Variants in RNLS observed in about 807,000 individuals in gnomAD.
The protein encoded by RNLS is renalase, FAD dependent amine oxidase, also known as renalase.
RNLS carries 39 observed loss-of-function variants against 39.8 expected under a neutral mutation model. That is an observed-to-expected ratio of 0.98 (90% CI 0.76 to 1.28). RNLS has a LOEUF of 1.28. Among genes scored for constraint, RNLS ranks in the 50% most tolerant of loss-of-function variants. RNLS has a pLI of 0.00. For synonymous variants in RNLS, 147 were observed against 150.7 expected (o/e 0.98, Z 0.18); for missense variants, 410 against 413.3 (o/e 0.99, Z 0.07).
At chr10:88,334,077 G>A (rs1243709025) in intron 5 of RNLS, among the ~76,000 whole-genome samples, 1 of 152,150 alleles carries the variant, frequency 6.6e-6, no homozygotes, top group African/African-American at 2.4e-5. Flanking sequence ...GAACTTCTGT[G>A]AGACTATCTC....
At chr10:88,415,978 C>T (rs1443863206) in intron 4 of RNLS, among the ~76,000 whole-genome samples, 1 of 152,138 alleles carries the variant, frequency 6.6e-6, no homozygotes, top group African/African-American at 2.4e-5. Context: ...TGCCCTCCTT[C>T]CACTTTCAGT....
chr10:88,264,472 A>G, the RNLS span, among the ~76,000 whole-genome samples: 1 of 151,408 alleles, frequency 6.6e-6, no homozygotes. Flanking sequence ...CCACATCCCC[A>G]CCAACATCTA....
At chr10:88,355,554 T>G (rs1849093433) in intron 5 of RNLS, among the ~76,000 whole-genome samples, 1 of 152,106 alleles carries the variant, frequency 6.6e-6, no homozygotes, top group African/African-American at 2.4e-5. Flanking sequence ...AATGTTGCTG[T>G]CTGATTGTTC....
At chr10:88,341,107 A>C (rs1428893462) in intron 5 of RNLS, among the ~76,000 whole-genome samples, 1 of 150,482 alleles carries the variant, frequency 6.6e-6, no homozygotes, top group East Asian at 1.9e-4. Context: ...AGGCGGGCGG[A>C]TCACCTGAGG....
At position 88,520,813 on chromosome 10, in the gene RNLS, A is replaced by G. The variant is rs968303071; in HGVS notation, c.526+52090T>C. On this transcript the variant is annotated intron_variant, in intron 4 of 6. Transcript: ENST00000331772. ...GTAAATTATCAGATGCCAAGATCCTATGTAAATACTAGTTTATACTACCTT... is the reference window on the plus strand; with the variant it reads ...GTAAATTATCAGATGCCAAGATCCTGTGTAAATACTAGTTTATACTACCTT... Among the ~76,000 whole-genome samples the G allele has an allele frequency of 3.3e-5, 5 of 152,018 alleles. No homozygotes were observed. The South Asian group carries it at 1.0e-3, about 31-fold the overall frequency.
At chr10:88,300,070 T>C (rs1844402110) in intron 6 of RNLS, among the ~76,000 whole-genome samples, 1 of 152,208 alleles carries the variant, frequency 6.6e-6, no homozygotes, top group Non-Finnish European at 1.5e-5. Context: ...GTGAGGTGTT[T>C]AAAAGCACTA....
At chr10:88,222,693 G>C in the RNLS span, among the ~76,000 whole-genome samples, 1 of 79,096 alleles carries the variant, frequency 1.3e-5, no homozygotes, top group African/African-American at 6.5e-5. Context: ...CACCATGAGA[G>C]GTAAGTGTCT....
chr10:88,409,749 T>C (rs1853541097), intron 4 of RNLS, among the ~76,000 whole-genome samples: 1 of 152,180 alleles, frequency 6.6e-6, no homozygotes, highest in Non-Finnish European at 1.5e-5. Context: ...CTGAAATTCA[T>C]TTCTGATGAC....
At chr10:88,348,305 C>A (rs1029377926) in intron 5 of RNLS, among the ~76,000 whole-genome samples, 1 of 152,124 alleles carries the variant, frequency 6.6e-6, no homozygotes, top group Admixed American at 6.6e-5. Flanking sequence ...CCTGCTTTCC[C>A]CCGGACAAAT....
intron 4 of RNLS, among the ~76,000 whole-genome samples, chr10:88,459,644 G>A (rs973634625): frequency 3.3e-5 from 5 of 152,096 alleles, no homozygotes; most frequent in African/African-American, 9.7e-5. Context: ...AAATGACTGG[G>A]CATGTTCCTC....
intron 4 of RNLS, among the ~76,000 whole-genome samples, chr10:88,502,111 A>G (rs1845526802): frequency 1.3e-5 from 2 of 152,106 alleles, no homozygotes; most frequent in East Asian, 1.9e-4. Flanking sequence ...ATTAGGGTCC[A>G]TCTATCACTG....
chr10:88,545,281 A>G (rs1455413517), intron 4 of RNLS, among the ~76,000 whole-genome samples: 1 of 152,180 alleles, frequency 6.6e-6, no homozygotes, highest in African/African-American at 2.4e-5. Flanking sequence ...AAACAGAGAA[A>G]GACTAATAAA....
At chr10:88,542,815 C>T (rs554504910) in intron 4 of RNLS, among the ~76,000 whole-genome samples, 2 of 152,004 alleles carry the variant, frequency 1.3e-5, no homozygotes, top group Non-Finnish European at 1.5e-5. Context: ...GCCTTCCCTC[C>T]GAGTTTTACA....
chr10:88,459,741 C>T (rs1842839343), intron 4 of RNLS, among the ~76,000 whole-genome samples: 1 of 152,262 alleles, frequency 6.6e-6, no homozygotes, highest in African/African-American at 2.4e-5. Flanking sequence ...TTCTTTCCAG[C>T]ACAGTTTAAG....
At chr10:88,315,101 G>A (rs189325007) in intron 5 of RNLS, among the ~76,000 whole-genome samples, 2 of 152,124 alleles carry the variant, frequency 1.3e-5, no homozygotes, top group Admixed American at 6.5e-5. Context: ...ATATTTTGTT[G>A]AAATTACACA....
At chr10:88,477,484 T>C (rs1261431077) in intron 4 of RNLS, among the ~76,000 whole-genome samples, 1 of 152,068 alleles carries the variant, frequency 6.6e-6, no homozygotes, top group Non-Finnish European at 1.5e-5. Context: ...AAGAGGATGA[T>C]GGTGACAACA....
intron 4 of RNLS, among the ~76,000 whole-genome samples, chr10:88,487,900 A>G (rs1844630527): frequency 6.6e-6 from 1 of 152,208 alleles, no homozygotes; most frequent in Non-Finnish European, 1.5e-5. Context: ...ATAAAAAGGA[A>G]TGAACTATTG....
chr10:88,501,738 T>A (rs1268544634), intron 4 of RNLS, among the ~76,000 whole-genome samples: 1 of 152,168 alleles, frequency 6.6e-6, no homozygotes, highest in Admixed American at 6.6e-5. Flanking sequence ...TCAGACATCA[T>A]CTATAAAATG....
intron 4 of RNLS, among the ~76,000 whole-genome samples, chr10:88,406,685 C>T (rs890737331): frequency 2.6e-5 from 4 of 152,036 alleles, no homozygotes; most frequent in African/African-American, 9.7e-5. Context: ...ATCATTTGAT[C>T]CAGCAATCCC....
Sources: gnomAD v4.1 joint callset for allele counts (sites outside exome capture counted in the v4.1 genomes callset) on GRCh38, gnomAD v4.1.1 for gene constraint, MANE v1.5 for transcripts, NCBI Gene and HGNC (gene_info 2026-07-23, HGNC 2026-07-21) for gene names.